The following PI15 variants were observed in gnomAD, a reference collection of about 807,000 sequenced individuals.
The protein encoded by PI15 is peptidase inhibitor 15.
PI15 carries 18 observed loss-of-function variants against 31.0 expected under a neutral mutation model. The observed-to-expected ratio is 0.58, with a 90% CI of 0.40 to 0.86. The LOEUF (loss-of-function observed/expected upper bound fraction) is 0.86, where lower values mean the gene tolerates loss of function less well. Ranked by LOEUF, PI15 falls within the 40% of genes least tolerant of loss-of-function variation. The pLI, the probability that PI15 is intolerant of heterozygous loss-of-function variation, is 0.00. For synonymous variants in PI15, 118 were observed against 119.1 expected, an observed-to-expected ratio of 0.99 and a Z score of 0.06; for missense variants, 282 against 328.1, an observed-to-expected ratio of 0.86 and a Z score of 1.09.
Position 74,849,331 on chromosome 8 carries a change from G to T in PI15, c.*78G>T. On this transcript the variant is annotated 3_prime_UTR_variant, in exon 6 of 6. Transcript: ENST00000260113. ...TATATATATATGGAGAGAGAATTTT[G>T]CACATATTATACATATTTTGTGCTA... 9.0e-7 allele frequency: 1 copy of T among 1,112,912 alleles called. No homozygotes were observed. The highest frequency in any genetic ancestry group is 1.3e-6 in the Non-Finnish European group (1 of 789,644). 68.9% of individuals were successfully genotyped at this position (1,112,912 alleles called of 1,614,324 possible).
At chr8:74,845,068 A>G in intron 3 of PI15, 60 bp from the exon 4 acceptor site, 1 of 1,381,188 alleles carries the variant, frequency 7.2e-7, no homozygotes, top group Non-Finnish European at 1.0e-6. Context: ...ACAGTGTAAC[A>G]TGAGTCCCTT....
At chr8:74,833,978 C>T (rs1432101961) in intron 2 of PI15, among the ~76,000 whole-genome samples, 1 of 152,182 alleles carries the variant, frequency 6.6e-6, no homozygotes, top group Non-Finnish European at 1.5e-5. Context: ...TAGATTTTCA[C>T]AGGAGTGTGA....
At chr8:74,847,403 C>T (rs923409275) in intron 5 of PI15, among the ~76,000 whole-genome samples, 1 of 151,292 alleles carries the variant, frequency 6.6e-6, no homozygotes, top group Admixed American at 6.6e-5. Flanking sequence ...TGAGATCACG[C>T]CATTGCACTC....
At chr8:74,830,256 T>C (rs538163619) in intron 2 of PI15, among the ~76,000 whole-genome samples, 1 of 151,434 alleles carries the variant, frequency 6.6e-6, no homozygotes, top group Non-Finnish European at 1.5e-5. Context: ...AATGTGAATA[T>C]AATGAAGGAA....
chr8:74,838,748 A>G (rs1242156784), intron 2 of PI15, among the ~76,000 whole-genome samples: 1 of 152,208 alleles, frequency 6.6e-6, no homozygotes, highest in Non-Finnish European at 1.5e-5. Context: ...ATCTTACCCA[A>G]TTAAAGAGGA....
chr8:74,831,601 T>C (rs1238467669), intron 2 of PI15, among the ~76,000 whole-genome samples: 3 of 152,024 alleles, frequency 2.0e-5, no homozygotes, highest in Admixed American at 6.6e-5. Flanking sequence ...GGACTCTCTT[T>C]GGTAGGAAGT....
chr8:74,832,640 G>A (rs754612387), intron 2 of PI15, among the ~76,000 whole-genome samples: 28 of 152,104 alleles, frequency 1.8e-4, no homozygotes, highest in Non-Finnish European at 2.2e-4. Context: ...ATAGTATGAA[G>A]TGGGCACAGA....
rs4437627 is a variant in PI15 at position 74,845,538 on chromosome 8, G to A, written c.641+41G>A. 1.2e-3 allele frequency: 1,478 copies of A among 1,236,680 alleles called. 31 individuals are homozygous for A. The East Asian group carries it at 0.029, about 24-fold the overall frequency. The allele number at this position is 1,236,680 out of a possible 1,614,324, so 76.6% of individuals were successfully genotyped here. ...GATTCTATTTCCTGGATCCTTTAAA[G>A]ACGTTAAATATCCCTAGGCTGATAG... On this transcript the variant is annotated intron_variant, in intron 5 of 5. Transcript: ENST00000260113.
rs1811085946 is a variant in PI15, at chr8:74,850,170, T to C, written c.*917T>C. On this transcript the variant is annotated 3_prime_UTR_variant, in exon 6 of 6. Coordinates refer to ENST00000260113, the MANE Select transcript of PI15 (RefSeq NM_015886.5). Reference sequence around the variant, plus strand: ...AAGTAATAAGCCATGCTGTGCAATATATACATAAAGCTTCTGCTTCTCATG... The same window carrying C: ...AAGTAATAAGCCATGCTGTGCAATACATACATAAAGCTTCTGCTTCTCATG... The C allele has an allele frequency of 6.6e-6, 1 of 152,176 alleles. No individual in the cohort carries two copies. Among genetic ancestry groups the C allele is most frequent in the African/African-American group, 2.4e-5 (1 of 41,450 alleles). The allele number at this position is 152,176 out of a possible 1,614,324, so 9.4% of individuals were successfully genotyped here.
In PI15 at chr8:74,844,207, T is replaced by C. The variant is rs558288139; in HGVS notation, c.392+108T>C. On this transcript the variant is annotated intron_variant, in intron 3 of 5. Coordinates refer to ENST00000260113, the MANE Select transcript of PI15 (RefSeq NM_015886.5). The stretch of plus-strand genomic sequence containing the variant: ...GTAATATCAACAAATTCTTATTGAA[T>C]GCTCACTATGTGTCAGGTACTAACG... The C allele has an allele frequency of 1.2e-5, 9 of 724,654 alleles. No homozygotes were observed. The South Asian group carries it at 1.4e-4, about 12-fold the overall frequency. 44.9% of individuals were successfully genotyped at this position (724,654 alleles called of 1,614,324 possible).
rs972858455 is a variant in PI15 at position 74,850,889 on chromosome 8, A to G, written c.*1636A>G. On this transcript the variant is annotated 3_prime_UTR_variant, in exon 6 of 6. Transcript: ENST00000260113. ...GTGTAATGCTCCCGTAGAATTATAG[A>G]ACAATTAAATATGGTTAGTTCCAGA... 6 of 152,428 alleles carry G rather than the reference A, an allele frequency of 3.9e-5. 1 individual carries two copies. The highest frequency in any genetic ancestry group is 1.4e-4 in the African/African-American group (6 of 41,566). 9.4% of individuals were successfully genotyped at this position (152,428 alleles called of 1,614,324 possible). A position where few individuals can be genotyped will look rare whatever the true frequency, so the allele number is the denominator to read the frequency against.
chr8:74,846,900 G>T (rs1003099084), intron 5 of PI15, among the ~76,000 whole-genome samples: 38 of 152,094 alleles, frequency 2.5e-4, no homozygotes, highest in Admixed American at 1.5e-3. Flanking sequence ...ATAAAAGAAT[G>T]AATAGTATAA....
In PI15 at chr8:74,854,868, C is replaced by T. The variant is rs1294946060; in HGVS notation, c.*5615C>T. ...AATTTGGAGAAGTTTTATTCATTACCTAATTCTGTGGCAAAAATGGTGCCT... is the reference window on the plus strand; with the variant it reads ...AATTTGGAGAAGTTTTATTCATTACTTAATTCTGTGGCAAAAATGGTGCCT... On this transcript the variant is annotated 3_prime_UTR_variant, in exon 6 of 6. Coordinates refer to ENST00000260113, the MANE Select transcript of PI15 (RefSeq NM_015886.5). The T allele has an allele frequency of 6.6e-6, 1 of 151,882 alleles. No homozygotes were observed. The highest frequency in any genetic ancestry group is 2.4e-5 in the African/African-American group (1 of 41,350). 9.4% of individuals were successfully genotyped at this position (151,882 alleles called of 1,614,324 possible).
rs1431530184 is a variant in PI15 at position 74,852,493 on chromosome 8, G to A, written c.*3240G>A. 1 of 152,034 alleles carries A rather than the reference G, an allele frequency of 6.6e-6. No homozygotes were observed. The highest frequency in any genetic ancestry group is 1.5e-5 in the Non-Finnish European group (1 of 67,962). 9.4% of individuals were successfully genotyped at this position (152,034 alleles called of 1,614,324 possible). A position where few individuals can be genotyped will look rare whatever the true frequency, so the allele number is the denominator to read the frequency against. ...CAGTTGTCTAAGTATCATCCCTTCTGTGGCCCATCACGCAGCAGAGTTGCC... is the reference window on the plus strand; with the variant it reads ...CAGTTGTCTAAGTATCATCCCTTCTATGGCCCATCACGCAGCAGAGTTGCC... On this transcript the variant is annotated 3_prime_UTR_variant, in exon 6 of 6. Coordinates refer to ENST00000260113, the MANE Select transcript of PI15 (RefSeq NM_015886.5).
chr8:74,827,961 T>A (rs1370482165), intron 2 of PI15, among the ~76,000 whole-genome samples: 1 of 152,148 alleles, frequency 6.6e-6, no homozygotes, highest in Non-Finnish European at 1.5e-5. Flanking sequence ...CAAAAACTCA[T>A]GTAAATACTG....
chr8:74,852,215 G>A lies in PI15; in HGVS notation c.*2962G>A, dbSNP rs1586961330. 1 of 151,906 alleles carries A rather than the reference G, an allele frequency of 6.6e-6. No homozygotes were observed. Among genetic ancestry groups the A allele is most frequent in the Non-Finnish European group, 1.5e-5 (1 of 67,900 alleles). The allele number at this position is 151,906 out of a possible 1,614,324, so 9.4% of individuals were successfully genotyped here. ...ATTGGCATACATATTCCACATCATCGATCCTCTCTGTGGTGTTAATTTTTT... is the reference window on the plus strand; with the variant it reads ...ATTGGCATACATATTCCACATCATCAATCCTCTCTGTGGTGTTAATTTTTT... On this transcript the variant is annotated 3_prime_UTR_variant, in exon 6 of 6. Coordinates refer to ENST00000260113, the MANE Select transcript of PI15 (RefSeq NM_015886.5).
chr8:74,843,194 T>A (rs1810969070), intron 2 of PI15, among the ~76,000 whole-genome samples: 1 of 152,200 alleles, frequency 6.6e-6, no homozygotes, highest in Non-Finnish European at 1.5e-5. Context: ...GGAAAACCAA[T>A]GGACTTTGTT....
intron 2 of PI15, among the ~76,000 whole-genome samples, chr8:74,842,540 T>C (rs1004117129): frequency 6.6e-6 from 1 of 152,190 alleles, no homozygotes; most frequent in African/African-American, 2.4e-5. Context: ...TTTAAACTTC[T>C]TTTTCTATAA....
chr8:74,825,248 A>G lies in PI15; in HGVS notation c.-2A>G. On this transcript the variant is annotated 5_prime_UTR_variant, in exon 2 of 6. Transcript: ENST00000260113. ...GTGGCCTCTTCTTCTCCACCCCTCA[A>G]AATGATAGCAATCTCTGCCGTCAGC... is the stretch of plus-strand genomic sequence containing the variant. 6.2e-7 allele frequency: 1 copy of G among 1,612,516 alleles called. No individual in the cohort carries two copies. The highest frequency in any genetic ancestry group is 1.1e-5 in the South Asian group (1 of 91,006).
Sources: allele counts gnomAD v4.1 joint callset (sites outside exome capture counted in the v4.1 genomes callset), GRCh38; gene constraint gnomAD v4.1.1; transcripts MANE v1.5; gene names NCBI Gene and HGNC (gene_info 2026-07-23, HGNC 2026-07-21).